Variants in STK33 observed in about 807,000 individuals in gnomAD.
STK33 encodes serine/threonine-protein kinase 33.
Under a neutral mutation model 58.0 loss-of-function variants are expected in STK33, and 52 were observed. The ratio of observed to expected loss-of-function variants is 0.90; its 90% CI spans 0.72 to 1.13. The LOEUF (loss-of-function observed/expected upper bound fraction) is 1.13. Among genes scored for constraint, STK33 ranks in the 50% most tolerant of loss-of-function variants. STK33 has a pLI of 0.00. For synonymous variants in STK33, 215 were observed against 200.1 expected (o/e 1.07, Z -0.63); for missense variants, 630 against 604.2 (o/e 1.04, Z -0.45).
At chr11:8,511,894 T>C (rs1565231111) in intron 1 of STK33, among the ~76,000 whole-genome samples, 1 of 152,178 alleles carries the variant, frequency 6.6e-6, no homozygotes, top group Non-Finnish European at 1.5e-5. Context: ...GTTGAAGATT[T>C]TTGCATCTAT....
At chr11:8,382,354 G>C in the STK33 span, among the ~76,000 whole-genome samples, 1 of 152,232 alleles carries the variant, frequency 6.6e-6, no homozygotes, top group Non-Finnish European at 1.5e-5. Context: ...GGAAATGAAA[G>C]TGAGAGGCAA....
intron 1 of STK33, among the ~76,000 whole-genome samples, chr11:8,559,662 G>A (rs376671303): frequency 1.4e-4 from 22 of 151,958 alleles, no homozygotes; most frequent in African/African-American, 4.6e-4. Context: ...AGTCACTACC[G>A]GTTAAAATAT....
intron 1 of STK33, among the ~76,000 whole-genome samples, chr11:8,557,365 G>GAAGT: frequency 6.7e-6 from 1 of 149,438 alleles, no homozygotes. Flanking sequence ...AGGATGGAAG[G>GAAGT]AAGGAAGGAA....
intron 1 of STK33, among the ~76,000 whole-genome samples, chr11:8,520,081 G>A: frequency 6.6e-6 from 1 of 152,138 alleles, no homozygotes; most frequent in East Asian, 1.9e-4. Context: ...GAACATCGAT[G>A]CTAAAATCCT....
At chr11:8,457,656 A>G (rs1217033373) in intron 8 of STK33, among the ~76,000 whole-genome samples, 177 bp from the exon 9 acceptor site, 1 of 152,206 alleles carries the variant, frequency 6.6e-6, no homozygotes, top group Non-Finnish European at 1.5e-5. Flanking sequence ...GTAAAGACAT[A>G]GTATTTATCC....
chr11:8,522,050 A>G (rs563595114), intron 1 of STK33, among the ~76,000 whole-genome samples: 1 of 152,322 alleles, frequency 6.6e-6, no homozygotes, highest in South Asian at 2.1e-4. Context: ...AGCTCAACCA[A>G]TGTGGAAGAC....
At chr11:8,348,566 A>T in the STK33 span, among the ~76,000 whole-genome samples, 1 of 152,208 alleles carries the variant, frequency 6.6e-6, no homozygotes, top group Non-Finnish European at 1.5e-5. Context: ...CTACAATTCA[A>T]GATGAGATTT....
chr11:8,356,947 A>C, the STK33 span, among the ~76,000 whole-genome samples: 1 of 152,186 alleles, frequency 6.6e-6, no homozygotes, highest in Non-Finnish European at 1.5e-5. Context: ...AGCTAGAGGA[A>C]GCCGTCCCTG....
intron 14 of STK33, among the ~76,000 whole-genome samples, chr11:8,420,260 G>A (rs1941723853): frequency 6.6e-6 from 1 of 152,134 alleles, no homozygotes; most frequent in African/African-American, 2.4e-5. Context: ...CAAGGCAGCA[G>A]AATATCAAGA....
chr11:8,388,074 T>C (rs1398192524), downstream of STK33, among the ~76,000 whole-genome samples: 2 of 152,212 alleles, frequency 1.3e-5, no homozygotes, highest in African/African-American at 4.8e-5. Context: ...ACGGCGTCTC[T>C]AGTCCCATTC....
intron 1 of STK33, among the ~76,000 whole-genome samples, chr11:8,503,604 C>A (rs1460145275): frequency 1.3e-5 from 2 of 152,256 alleles, no homozygotes; most frequent in African/African-American, 4.8e-5. Flanking sequence ...TGCACATGGA[C>A]CCCTGAAACT....
intron 1 of STK33, among the ~76,000 whole-genome samples, chr11:8,498,775 A>G (rs536478487): frequency 1.8e-4 from 28 of 152,196 alleles, no homozygotes; most frequent in Non-Finnish European, 2.9e-4. Flanking sequence ...CAGAAATAAC[A>G]CCACACATCT....
At chr11:8,565,091 AT>A (rs1957358472) in intron 1 of STK33, among the ~76,000 whole-genome samples, 1 of 152,202 alleles carries the variant, frequency 6.6e-6, no homozygotes, top group African/African-American at 2.4e-5. Context: ...CGGGAGTGTC[AT>A]TTATGAGAAA....
chr11:8,448,617 T>C (rs902982355), intron 11 of STK33, among the ~76,000 whole-genome samples: 10 of 152,256 alleles, frequency 6.6e-5, no homozygotes, highest in Admixed American at 3.3e-4. Context: ...CCTTACACCT[T>C]ATATAAAAAT....
chr11:8,512,180 G>A (rs1040040406), intron 1 of STK33, among the ~76,000 whole-genome samples: 1 of 152,038 alleles, frequency 6.6e-6, no homozygotes, highest in Non-Finnish European at 1.5e-5. Context: ...TATTTCTAGT[G>A]ACTAAGTTTT....
chr11:8,357,048 A>G, the STK33 span, among the ~76,000 whole-genome samples: 1 of 152,190 alleles, frequency 6.6e-6, no homozygotes, highest in Non-Finnish European at 1.5e-5. Flanking sequence ...TGGGTGCCCA[A>G]GCCCCAGCTG....
chr11:8,470,361 CA>C (rs1948660780), intron 6 of STK33, among the ~76,000 whole-genome samples: 1 of 152,214 alleles, frequency 6.6e-6, no homozygotes, highest in African/African-American at 2.4e-5. Flanking sequence ...CTCCCCTTCA[CA>C]AAACTGAAAA....
At chr11:8,553,171 T>C (rs1233984077) in intron 1 of STK33, among the ~76,000 whole-genome samples, 2 of 36,520 alleles carry the variant, frequency 5.5e-5, no homozygotes, top group South Asian at 8.4e-4. Flanking sequence ...AAATAAAATA[T>C]ATATATATAT....
At chr11:8,345,183 A>C in the STK33 span, among the ~76,000 whole-genome samples, 1 of 152,202 alleles carries the variant, frequency 6.6e-6, no homozygotes, top group Non-Finnish European at 1.5e-5. Flanking sequence ...GAGGCCCCGC[A>C]GAGTCCGAGT....
Sources: gnomAD v4.1 joint callset for allele counts (sites outside exome capture counted in the v4.1 genomes callset) on GRCh38, gnomAD v4.1.1 for gene constraint, MANE v1.5 for transcripts, NCBI Gene and HGNC (gene_info 2026-07-23, HGNC 2026-07-21) for gene names.